The following ADAMTS12 variants were observed in gnomAD, a reference collection of about 807,000 sequenced individuals.
The protein encoded by ADAMTS12 is A disintegrin and metalloproteinase with thrombospondin motifs 12.
ADAMTS12 carries 118 observed loss-of-function variants against 167.8 expected under a neutral mutation model. The ratio of observed to expected loss-of-function variants is 0.70; its 90% CI spans 0.61 to 0.82. The LOEUF is 0.82. Among genes scored for constraint, ADAMTS12 ranks in the 40% least tolerant of loss-of-function variants. ADAMTS12 has a pLI of 0.00. For missense variants in ADAMTS12, 1,916 were observed against 1,998.8 expected (o/e 0.96, Z 0.79); for synonymous variants, 704 against 716.9 (o/e 0.98, Z 0.29).
At chr5:33,595,441 C>G (rs531511641) in intron 17 of ADAMTS12, among the ~76,000 whole-genome samples, 5 of 152,170 alleles carry the variant, frequency 3.3e-5, no homozygotes, top group Non-Finnish European at 2.9e-5. Flanking sequence ...CTGCAATTCA[C>G]GGACAGCCCC....
At chr5:33,880,237 T>C (rs528637187) in intron 2 of ADAMTS12, among the ~76,000 whole-genome samples, 1 of 152,350 alleles carries the variant, frequency 6.6e-6, no homozygotes, top group African/African-American at 2.4e-5. Context: ...AAGTGGACAA[T>C]GTACATAAAC....
At chr5:33,810,215 C>T (rs1561284139) in intron 2 of ADAMTS12, among the ~76,000 whole-genome samples, 2 of 152,176 alleles carry the variant, frequency 1.3e-5, no homozygotes, top group South Asian at 2.1e-4. Context: ...GAAAAAAATG[C>T]TAGAAAATAG....
At chr5:33,670,526 G>A (rs895259860) in intron 5 of ADAMTS12, among the ~76,000 whole-genome samples, 3 of 152,212 alleles carry the variant, frequency 2.0e-5, no homozygotes, top group Non-Finnish European at 2.9e-5. Context: ...TGGATCACCT[G>A]AGGTCAGGAG....
intron 20 of ADAMTS12, among the ~76,000 whole-genome samples, chr5:33,554,584 A>G (rs1299713549): frequency 1.3e-5 from 2 of 152,226 alleles, no homozygotes; most frequent in African/African-American, 4.8e-5. Flanking sequence ...TTTTGCCTTC[A>G]TAGGATAGAA....
At chr5:33,707,578 C>A (rs1743246924) in intron 3 of ADAMTS12, among the ~76,000 whole-genome samples, 1 of 152,186 alleles carries the variant, frequency 6.6e-6, no homozygotes, top group Non-Finnish European at 1.5e-5. Flanking sequence ...GTTACCAAAA[C>A]AGCATGGCAC....
chr5:33,587,164 A>G (rs184498644), intron 18 of ADAMTS12, among the ~76,000 whole-genome samples: 62 of 152,334 alleles, frequency 4.1e-4, no homozygotes, highest in Admixed American at 1.2e-3. Context: ...AGGTTTCATC[A>G]AAGCTGCTGT....
chr5:33,596,002 T>A lies in ADAMTS12; in HGVS notation c.2586A>T (p.Thr862=). 3 of 1,614,108 alleles carry A rather than the reference T, an allele frequency of 1.9e-6. No homozygotes were observed. Among genetic ancestry groups the A allele is most frequent in the Non-Finnish European group, 2.5e-6 (3 of 1,179,978 alleles). Residue 862 remains threonine (T), a synonymous_variant, in exon 17 of 24, where the codon ACA becomes ACT. Coordinates refer to ENST00000504830, the MANE Select transcript of ADAMTS12 (RefSeq NM_030955.4). ...TGGGCTGTGTTTCTGGGTCACAGAA[T>A]GTAGCTTTCACCATCCCGCGGCCCT... ...IKKGRGMVKA[T]FCDPETQPNG... is the part of the protein sequence containing the mutation.
chr5:33,873,951 A>C (rs1750132597), intron 2 of ADAMTS12, among the ~76,000 whole-genome samples: 1 of 152,208 alleles, frequency 6.6e-6, no homozygotes, highest in Admixed American at 6.5e-5. Context: ...AGTTAAATGT[A>C]CAATATAAAA....
chr5:33,800,756 C>T (rs1374264936), intron 2 of ADAMTS12, among the ~76,000 whole-genome samples: 1 of 152,150 alleles, frequency 6.6e-6, no homozygotes, highest in Non-Finnish European at 1.5e-5. Flanking sequence ...CTGGAGCCCC[C>T]ATGTGCCTGC....
At chr5:33,758,646 G>A (rs1019707952) in intron 2 of ADAMTS12, among the ~76,000 whole-genome samples, 12 of 152,160 alleles carry the variant, frequency 7.9e-5, no homozygotes, top group African/African-American at 2.9e-4. Context: ...GTGAACCAAT[G>A]GACGGGGTAG....
At chr5:33,611,107 T>C (rs1044270623) in intron 16 of ADAMTS12, among the ~76,000 whole-genome samples, 25 of 151,988 alleles carry the variant, frequency 1.6e-4, no homozygotes, top group African/African-American at 5.8e-4. Context: ...AGCATAATGT[T>C]GAGGGAAAAA....
At chr5:33,632,002 T>C (rs1047842362) in intron 12 of ADAMTS12, among the ~76,000 whole-genome samples, 2 of 152,186 alleles carry the variant, frequency 1.3e-5, no homozygotes, top group Non-Finnish European at 2.9e-5. Flanking sequence ...TTGCAGTGAT[T>C]CATGTGGCCA....
At chr5:33,660,168 C>T (rs1741204129) in intron 6 of ADAMTS12, among the ~76,000 whole-genome samples, 2 of 152,146 alleles carry the variant, frequency 1.3e-5, no homozygotes, top group South Asian at 2.1e-4. Flanking sequence ...GTTCAACACA[C>T]TTTTATGCAA....
At chr5:33,794,237 C>T (rs1579941857) in intron 2 of ADAMTS12, among the ~76,000 whole-genome samples, 1 of 152,332 alleles carries the variant, frequency 6.6e-6, no homozygotes, top group African/African-American at 2.4e-5. Context: ...GTCTCCCTTT[C>T]CCACTTCCGC....
At position 33,881,061 on chromosome 5, in the gene ADAMTS12, A is replaced by C. The variant is rs909536386; in HGVS notation, c.489+58T>G. The C allele has an allele frequency of 8.3e-6, 13 of 1,573,840 alleles. No homozygotes were observed. In the African/African-American group the frequency reaches 1.5e-4, roughly 18 times the overall value. ...CTGTGAACCTGTTGGTAGTAGGTCT[A>C]CCAGCTGAGACTCTAGGGGCCAGGG... On this transcript the variant is annotated intron_variant, in intron 2 of 23. Coordinates refer to ENST00000504830, the MANE Select transcript of ADAMTS12 (RefSeq NM_030955.4).
At chr5:33,846,079 C>A (rs1005582529) in intron 2 of ADAMTS12, among the ~76,000 whole-genome samples, 3 of 152,160 alleles carry the variant, frequency 2.0e-5, no homozygotes, top group African/African-American at 7.2e-5. Flanking sequence ...GACAAATATC[C>A]AAACTGTATC....
chr5:33,566,390 G>T (rs1052599340), intron 19 of ADAMTS12, among the ~76,000 whole-genome samples: 2 of 152,072 alleles, frequency 1.3e-5, no homozygotes, highest in Non-Finnish European at 2.9e-5. Context: ...CTTGAGCTCA[G>T]GAGTTCAGGA....
intron 19 of ADAMTS12, among the ~76,000 whole-genome samples, chr5:33,570,419 A>G (rs1746264437): frequency 6.6e-6 from 1 of 152,244 alleles, no homozygotes; most frequent in Non-Finnish European, 1.5e-5. Context: ...TCTACAAGCC[A>G]GAAGAGAGTG....
At position 33,677,527 on chromosome 5, in the gene ADAMTS12, C is replaced by T. The variant is rs149236799; in HGVS notation, c.915+5491G>A. ...AGAGTCTAATCCCATCCCTAACCCC[C>T]GACCCAAGAGGGGAGCAGGGGGCCC... On this transcript the variant is annotated intron_variant, in intron 5 of 23. Transcript: ENST00000504830. Among the ~76,000 whole-genome samples the T allele has an allele frequency of 2.2e-3, 329 of 152,282 alleles. 3 individuals are homozygous for T. Among genetic ancestry groups the T allele is most frequent in the South Asian group, 3.9e-3 (19 of 4,824 alleles).
Sources: gnomAD v4.1 joint callset for allele counts (sites outside exome capture counted in the v4.1 genomes callset) on GRCh38, gnomAD v4.1.1 for gene constraint, MANE v1.5 for transcripts, NCBI Gene and HGNC (gene_info 2026-07-23, HGNC 2026-07-21) for gene names.